Variants in UGT2A2 observed in about 807,000 individuals in gnomAD.
UGT2A2 encodes the protein UDP-glucuronosyltransferase 2A2.
A neutral mutation model predicts 50.7 loss-of-function variants in UGT2A2; 60 were observed. The ratio of observed to expected loss-of-function variants is 1.18; its 90% CI spans 0.96 to 1.47. The LOEUF (loss-of-function observed/expected upper bound fraction) is 1.47, where lower values mean the gene tolerates loss of function less well. Among genes scored for constraint, UGT2A2 ranks in the 40% most tolerant of loss-of-function variants. UGT2A2 has a pLI of 0.00. For missense variants in UGT2A2, 762 were observed against 634.0 expected (o/e 1.20, Z -2.17); for synonymous variants, 242 against 214.6 (o/e 1.13, Z -1.11).
intron 1 of UGT2A2, among the ~76,000 whole-genome samples, chr4:69,611,096 A>T (rs1358581613): frequency 2.7e-5 from 4 of 146,608 alleles, no homozygotes; most frequent in Admixed American, 2.1e-4. Context: ...TAGGTAGAAT[A>T]AATGTTATCA....
intron 1 of UGT2A2, among the ~76,000 whole-genome samples, chr4:69,629,494 T>C (rs2109952796): frequency 6.6e-6 from 1 of 152,138 alleles, no homozygotes; most frequent in African/African-American, 2.4e-5. Flanking sequence ...ATCAATGTGA[T>C]TTACCATGAT....
At chr4:69,607,403 T>C (rs575455885) in intron 1 of UGT2A2, among the ~76,000 whole-genome samples, 1 of 151,856 alleles carries the variant, frequency 6.6e-6, no homozygotes, top group Non-Finnish European at 1.5e-5. Flanking sequence ...CCTTACACCT[T>C]ATACAAAAAT....
chr4:69,599,124 G>A (rs1358136524), intron 2 of UGT2A2, 122 bp downstream of exon 2: 6 of 1,376,560 alleles, frequency 4.4e-6, no homozygotes, highest in Middle Eastern at 5.3e-4. Context: ...AAGGAAAATA[G>A]ATGTGGAGTA....
chr4:69,603,828 T>G (rs1036745307), intron 1 of UGT2A2, among the ~76,000 whole-genome samples: 2 of 135,830 alleles, frequency 1.5e-5, no homozygotes, highest in Admixed American at 7.3e-5. Flanking sequence ...TGATGGAAGA[T>G]CAAATGAATG....
intron 1 of UGT2A2, among the ~76,000 whole-genome samples, chr4:69,628,163 C>G (rs1721191969): frequency 6.6e-6 from 1 of 151,822 alleles, no homozygotes; most frequent in African/African-American, 2.4e-5. Context: ...TAATTTGTCT[C>G]AGGGCATCAA....
intron 5 of UGT2A2, among the ~76,000 whole-genome samples, chr4:69,593,657 TTTTA>T (rs1158517771): frequency 6.6e-6 from 1 of 151,646 alleles, no homozygotes; most frequent in African/African-American, 2.4e-5. Context: ...TATACTTAAA[TTTTA>T]TTTAAAATAT....
In UGT2A2 at chr4:69,604,009, T is replaced by G. The variant is rs1406704318; in HGVS notation, c.743-4615A>C. Among the ~76,000 whole-genome samples, 2 of 136,364 alleles carry G rather than the reference T, an allele frequency of 1.5e-5. 1 individual carries two copies. Among genetic ancestry groups the G allele is most frequent in the African/African-American group, 5.9e-5 (2 of 33,622 alleles). 89.5% of individuals were successfully genotyped at this position (136,364 alleles called of 152,430 possible). On this transcript the variant is annotated intron_variant, in intron 1 of 5. Coordinates refer to ENST00000604629, the MANE Select transcript of UGT2A2 (RefSeq NM_001105677.2). Reference sequence around the variant, plus strand: ...AAACACTCTGCAGGATATTATCCAGTAGAACCTCCCCAGTCTAGCAAGGAA... The same window carrying G: ...AAACACTCTGCAGGATATTATCCAGGAGAACCTCCCCAGTCTAGCAAGGAA...
intron 1 of UGT2A2, among the ~76,000 whole-genome samples, chr4:69,602,126 G>A (rs1719331490): frequency 1.5e-5 from 2 of 136,176 alleles, no homozygotes; most frequent in South Asian, 2.4e-4. Context: ...ACTCATTATA[G>A]TAATGAAATG....
At chr4:69,613,300 T>C (rs1181271168) in intron 1 of UGT2A2, among the ~76,000 whole-genome samples, 3 of 151,896 alleles carry the variant, frequency 2.0e-5, no homozygotes, top group African/African-American at 7.2e-5. Flanking sequence ...ATCCAAAACC[T>C]GAACGAGGCA....
At chr4:69,598,907 C>T (rs2109888925) in intron 2 of UGT2A2, among the ~76,000 whole-genome samples, 1 of 152,212 alleles carries the variant, frequency 6.6e-6, no homozygotes, top group East Asian at 1.9e-4. Flanking sequence ...GTAAATATTA[C>T]TGTTCATAAT....
chr4:69,603,354 T>A (rs1205254406), intron 1 of UGT2A2, among the ~76,000 whole-genome samples: 2 of 136,294 alleles, frequency 1.5e-5, no homozygotes, highest in African/African-American at 5.9e-5. Flanking sequence ...GATGCAGGCA[T>A]GCAGGAAAAA....
intron 1 of UGT2A2, among the ~76,000 whole-genome samples, chr4:69,633,983 C>A (rs750036957): frequency 6.6e-6 from 1 of 152,106 alleles, no homozygotes; most frequent in Non-Finnish European, 1.5e-5. Flanking sequence ...CGGTGGCTCA[C>A]GCCTGTAATC....
intron 2 of UGT2A2, among the ~76,000 whole-genome samples, chr4:69,597,523 G>T (rs1272726337): frequency 2.0e-5 from 3 of 152,126 alleles, no homozygotes; most frequent in East Asian, 3.9e-4. Flanking sequence ...GCAAATATTT[G>T]TTGGGATCAC....
intron 1 of UGT2A2, among the ~76,000 whole-genome samples, chr4:69,635,225 G>A (rs1268249727): frequency 1.3e-5 from 2 of 152,072 alleles, no homozygotes; most frequent in African/African-American, 4.8e-5. Flanking sequence ...TATATCAGCA[G>A]GGAAAGAGGG....
chr4:69,611,577 G>C (rs192399776), intron 1 of UGT2A2, among the ~76,000 whole-genome samples: 317 of 152,062 alleles, frequency 2.1e-3, no homozygotes, highest in Non-Finnish European at 3.7e-3. Flanking sequence ...TGTTAGCATA[G>C]AAATACTTCT....
chr4:69,609,904 T>G (rs1049422971), intron 1 of UGT2A2, among the ~76,000 whole-genome samples: 16 of 152,296 alleles, frequency 1.1e-4, no homozygotes, highest in African/African-American at 3.8e-4. Flanking sequence ...AAATACATGA[T>G]TGTATCTCTA....
intron 1 of UGT2A2, among the ~76,000 whole-genome samples, chr4:69,616,357 T>C (rs973473078): frequency 6.6e-6 from 1 of 151,972 alleles, no homozygotes; most frequent in African/African-American, 2.4e-5. Flanking sequence ...ATTTGTGTGT[T>C]TTAAAATGAC....
chr4:69,595,008 A>G (rs2109881101), intron 4 of UGT2A2, among the ~76,000 whole-genome samples, 154 bp downstream of exon 4: 1 of 152,336 alleles, frequency 6.6e-6, no homozygotes, highest in South Asian at 2.1e-4. Flanking sequence ...AGTCTATAAA[A>G]TTAATGGCCA....
chr4:69,608,950 C>T (rs1359011248), intron 1 of UGT2A2, among the ~76,000 whole-genome samples: 2 of 151,942 alleles, frequency 1.3e-5, no homozygotes, highest in African/African-American at 4.8e-5. Context: ...CATAAAAATC[C>T]TTTTTTTAAT....
Sources: gnomAD v4.1 joint callset for allele counts (sites outside exome capture counted in the v4.1 genomes callset) on GRCh38, gnomAD v4.1.1 for gene constraint, MANE v1.5 for transcripts, NCBI Gene and HGNC (gene_info 2026-07-23, HGNC 2026-07-21) for gene names.